Variants in ZCCHC24 observed in about 807,000 individuals in gnomAD.
ZCCHC24 encodes zinc finger CCHC-type containing 24.
In ZCCHC24, 10 loss-of-function variants were observed where a neutral mutation model predicts 26.2. The ratio of observed to expected loss-of-function variants is 0.38; its 90% CI spans 0.24 to 0.65. The LOEUF (loss-of-function observed/expected upper bound fraction) is 0.65, where lower values mean the gene tolerates loss of function less well. Among genes scored for constraint, ZCCHC24 ranks in the 30% least tolerant of loss-of-function variants. ZCCHC24 has a pLI of 0.54. For missense variants in ZCCHC24, 243 were observed against 329.1 expected, an observed-to-expected ratio of 0.74 and a Z score of 2.03; for synonymous variants, 144 against 147.1, an observed-to-expected ratio of 0.98 and a Z score of 0.15.
intron 2 of ZCCHC24, among the ~76,000 whole-genome samples, chr10:79,405,930 G>A (rs1295356035): frequency 3.9e-5 from 6 of 152,384 alleles, no homozygotes; most frequent in Admixed American, 1.3e-4. Flanking sequence ...GGCTGTGGGC[G>A]TGACTTCCAG....
intron 2 of ZCCHC24, among the ~76,000 whole-genome samples, chr10:79,428,409 TAA>T (rs1302650435): frequency 3.3e-5 from 1 of 29,936 alleles, no homozygotes; most frequent in African/African-American, 2.0e-4. Flanking sequence ...TTTTGCAAGA[TAA>T]ATTTCAGTTT....
chr10:79,406,188 G>A (rs751244300), intron 2 of ZCCHC24, among the ~76,000 whole-genome samples: 28 of 152,202 alleles, frequency 1.8e-4, no homozygotes, highest in Admixed American at 1.4e-3. Flanking sequence ...GAGGCTCAGA[G>A]AGGTTAAGTC....
chr10:79,406,696 C>G (rs1856718745), intron 2 of ZCCHC24, among the ~76,000 whole-genome samples: 1 of 152,186 alleles, frequency 6.6e-6, no homozygotes, highest in South Asian at 2.1e-4. Context: ...GATGAGGAAT[C>G]CAAGTCACAG....
At chr10:79,409,858 G>T (rs531394379) in intron 2 of ZCCHC24, among the ~76,000 whole-genome samples, 103 of 152,366 alleles carry the variant, frequency 6.8e-4, no homozygotes, top group Admixed American at 1.5e-3. Context: ...GTTTGGAGGA[G>T]CAGGGGGAGG....
At chr10:79,386,623 C>T (rs905043133) in intron 3 of ZCCHC24, among the ~76,000 whole-genome samples, 165 bp from the exon 4 acceptor site, 1 of 152,114 alleles carries the variant, frequency 6.6e-6, no homozygotes, top group African/African-American at 2.4e-5. Flanking sequence ...CTGACAGACA[C>T]AGTGAGGGAG....
At chr10:79,430,355 T>C (rs1009087947) in intron 2 of ZCCHC24, among the ~76,000 whole-genome samples, 2 of 151,704 alleles carry the variant, frequency 1.3e-5, no homozygotes, top group African/African-American at 4.8e-5. Context: ...TCAGCTTGAG[T>C]GAGAAACTGA....
chr10:79,416,666 C>G (rs1418916681), intron 2 of ZCCHC24, among the ~76,000 whole-genome samples: 1 of 152,160 alleles, frequency 6.6e-6, no homozygotes, highest in Admixed American at 6.5e-5. Flanking sequence ...CATCCTGAGT[C>G]TTGTTCATTT....
At chr10:79,422,248 C>G (rs901196978) in intron 2 of ZCCHC24, among the ~76,000 whole-genome samples, 3 of 152,008 alleles carry the variant, frequency 2.0e-5, no homozygotes, top group African/African-American at 7.2e-5. Context: ...TTTGGCCTGT[C>G]CCCTCCCTGG....
Position 79,386,425 on chromosome 10 carries a change from A to G in ZCCHC24, c.646T>C (p.Ser216Pro), listed in dbSNP as rs1856396941. Reference sequence around the variant, plus strand: ...TGCGGGTGCTCCTTGCTCTGGTCGGACACGTCCAGGCCGTCGGGCTTCTCC... The same window carrying G: ...TGCGGGTGCTCCTTGCTCTGGTCGGGCACGTCCAGGCCGTCGGGCTTCTCC... ...PLEKPDGLDV[S>P]DQSKEHPQHL... Residue 216 changes from serine to proline, a missense_variant, in exon 4 of 4, where the codon TCC becomes CCC. Coordinates refer to ENST00000372336, the MANE Select transcript of ZCCHC24 (RefSeq NM_153367.4). 1 of 1,607,586 alleles carries G rather than the reference A, an allele frequency of 6.2e-7. No homozygotes were observed. Among genetic ancestry groups the G allele is most frequent in the East Asian group, 2.2e-5 (1 of 44,646 alleles).
At chr10:79,436,424 T>C (rs1010217954) in intron 1 of ZCCHC24, among the ~76,000 whole-genome samples, 3 of 152,072 alleles carry the variant, frequency 2.0e-5, no homozygotes, top group African/African-American at 7.2e-5. Context: ...CCCCCGGCCA[T>C]AGAGGCCCCG....
intron 3 of ZCCHC24, 97 bp downstream of exon 3, chr10:79,394,179 G>A (rs865975675): frequency 2.0e-6 from 3 of 1,477,656 alleles, no homozygotes; most frequent in African/African-American, 1.4e-5. Context: ...TCAACTTAGA[G>A]AGATCTCCCT....
rs1251395800 is a variant in ZCCHC24 at position 79,386,002 on chromosome 10, A to G, written c.*343T>C. 2.0e-6 allele frequency: 1 copy of G among 488,006 alleles called. No homozygotes were observed. Among genetic ancestry groups the G allele is most frequent in the Non-Finnish European group, 3.7e-6 (1 of 273,012 alleles). The allele number at this position is 488,006 out of a possible 1,614,324, so 30.2% of individuals were successfully genotyped here. Reference sequence around the variant, plus strand: ...ATTTAGTGCACCTGTGGCCAATACAAGGCTGCTCACCCCAAAGAGGCTCTC... The same window carrying G: ...ATTTAGTGCACCTGTGGCCAATACAGGGCTGCTCACCCCAAAGAGGCTCTC... On this transcript the variant is annotated 3_prime_UTR_variant, in exon 4 of 4. Transcript: ENST00000372336.
chr10:79,401,936 CCA>C (rs1428258778), intron 2 of ZCCHC24, among the ~76,000 whole-genome samples: 1 of 152,240 alleles, frequency 6.6e-6, no homozygotes, highest in African/African-American at 2.4e-5. Flanking sequence ...GCCCTGGGCT[CCA>C]GTCTACCTTC....
chr10:79,403,798 AG>A (rs1465493198), intron 2 of ZCCHC24, among the ~76,000 whole-genome samples: 2 of 152,096 alleles, frequency 1.3e-5, no homozygotes, highest in African/African-American at 4.8e-5. Flanking sequence ...CCACAACACT[AG>A]GGTTTGTCAA....
chr10:79,385,974 T>A lies in ZCCHC24; in HGVS notation c.*371A>T. The A allele has an allele frequency of 2.4e-6, 1 of 422,562 alleles. No individual in the cohort carries two copies. 26.2% of individuals were successfully genotyped at this position (422,562 alleles called of 1,614,324 possible). Reference sequence around the variant, plus strand: ...GTCTGGGGAGGTTTGGGATTCACAGTCAATTTAGTGCACCTGTGGCCAATA... The same window carrying A: ...GTCTGGGGAGGTTTGGGATTCACAGACAATTTAGTGCACCTGTGGCCAATA... On this transcript the variant is annotated 3_prime_UTR_variant, in exon 4 of 4. Coordinates refer to ENST00000372336, the MANE Select transcript of ZCCHC24 (RefSeq NM_153367.4). The surrounding 1 kb of genome is among the most constrained non-coding windows in gnomAD (Gnocchi z 4.3).
chr10:79,439,709 T>G (rs895336952), intron 1 of ZCCHC24, among the ~76,000 whole-genome samples: 7 of 151,170 alleles, frequency 4.6e-5, no homozygotes, highest in South Asian at 4.2e-4. Context: ...GGAGAATCTC[T>G]TGAACCTGGG....
chr10:79,443,184 C>A (rs1267306722), intron 1 of ZCCHC24, among the ~76,000 whole-genome samples: 2 of 152,152 alleles, frequency 1.3e-5, no homozygotes, highest in Non-Finnish European at 2.9e-5. Context: ...TTTTCCTGCT[C>A]CTTTCACACT....
chr10:79,405,929 C>A (rs1371189001), intron 2 of ZCCHC24, among the ~76,000 whole-genome samples: 1 of 152,244 alleles, frequency 6.6e-6, no homozygotes, highest in South Asian at 2.1e-4. Flanking sequence ...AGGCTGTGGG[C>A]GTGACTTCCA....
At chr10:79,430,841 A>G (rs2181076) in intron 2 of ZCCHC24, among the ~76,000 whole-genome samples, 77,831 of 151,896 alleles carry the variant, frequency 0.51, 20,185 homozygotes, top group African/African-American at 0.54. Flanking sequence ...AGCCCAGAGT[A>G]AGCATACCTC....
Sources: allele counts gnomAD v4.1 joint callset (sites outside exome capture counted in the v4.1 genomes callset), GRCh38; gene constraint gnomAD v4.1.1; non-coding constraint Gnocchi (gnomAD v3.1); transcripts MANE v1.5; gene names NCBI Gene and HGNC (gene_info 2026-07-23, HGNC 2026-07-21).